METTL16: variants seen among roughly 807,000 people sequenced by gnomAD.
The protein encoded by METTL16 is RNA N(6)-adenosine-methyltransferase METTL16.
METTL16 carries 19 observed loss-of-function variants against 57.9 expected under a neutral mutation model. That is an observed-to-expected ratio of 0.33 (90% CI 0.23 to 0.48). The LOEUF is 0.48. METTL16 is among the 20% of genes least tolerant of loss of function. METTL16 has a pLI of 0.99. For synonymous variants in METTL16, 246 were observed against 255.6 expected (o/e 0.96, Z 0.36); for missense variants, 434 against 691.5 (o/e 0.63, Z 4.18).
At chr17:2,425,782 G>A (rs1014168151) in intron 8 of METTL16, among the ~76,000 whole-genome samples, 1 of 151,924 alleles carries the variant, frequency 6.6e-6, no homozygotes, top group African/African-American at 2.4e-5. Flanking sequence ...CACCTCCTAG[G>A]CTCAAGTGAT....
rs1348587208 is a variant in METTL16 at position 2,467,746 on chromosome 17, C to T, written c.585+15G>A. 6.3e-7 allele frequency: 1 copy of T among 1,595,306 alleles called. No homozygotes were observed. The highest frequency in any genetic ancestry group is 1.7e-5 in the Admixed American group (1 of 59,954). On this transcript the variant is annotated intron_variant, in intron 5 of 9. Transcript: ENST00000263092. ...CAGCCTATATTCAATTATTTTAAAG[C>T]AGAAGACATTTTACCTTGGCTTCCA...
chr17:2,490,970 C>T (rs1157813851), intron 2 of METTL16, among the ~76,000 whole-genome samples: 1 of 152,096 alleles, frequency 6.6e-6, no homozygotes, highest in African/African-American at 2.4e-5. Flanking sequence ...AAGTGAACAC[C>T]AATGAAGAGC....
At chr17:2,447,584 G>A (rs2067013178) in intron 6 of METTL16, among the ~76,000 whole-genome samples, 2 of 109,168 alleles carry the variant, frequency 1.8e-5, no homozygotes, top group Non-Finnish European at 3.5e-5. Context: ...GGTGGGGGGG[G>A]TCAGCCCCCC....
At chr17:2,440,024 A>C (rs966331177) in intron 7 of METTL16, among the ~76,000 whole-genome samples, 3 of 151,222 alleles carry the variant, frequency 2.0e-5, no homozygotes, top group African/African-American at 7.4e-5. Context: ...CTATCTTTAT[A>C]AAAAATAAGG....
Position 2,416,542 on chromosome 17 carries a change from G to C in METTL16, c.*3428C>G, listed in dbSNP as rs1343391584. 6.6e-6 allele frequency: 1 copy of C among 152,338 alleles called. No individual in the cohort carries two copies. Among genetic ancestry groups the C allele is most frequent in the Non-Finnish European group, 1.5e-5 (1 of 68,090 alleles). 9.4% of individuals were successfully genotyped at this position (152,338 alleles called of 1,614,324 possible). ...GCCCTGCCCAGGACACACAGCAGAG[G>C]TCTGGAGTGGGGACAGTGCGGCCAG... On this transcript the variant is annotated 3_prime_UTR_variant, in exon 10 of 10. Coordinates refer to ENST00000263092, the MANE Select transcript of METTL16 (RefSeq NM_024086.4).
At position 2,418,319 on chromosome 17, in the gene METTL16, A is replaced by G. The variant is rs1270634821; in HGVS notation, c.*1651T>C. The G allele has an allele frequency of 6.6e-6, 1 of 152,268 alleles. No individual in the cohort carries two copies. The highest frequency in any genetic ancestry group is 1.9e-4 in the East Asian group (1 of 5,194). 9.4% of individuals were successfully genotyped at this position (152,268 alleles called of 1,614,324 possible). A position where few individuals can be genotyped will look rare whatever the true frequency, so the allele number is the denominator to read the frequency against. On this transcript the variant is annotated 3_prime_UTR_variant, in exon 10 of 10. Coordinates refer to ENST00000263092, the MANE Select transcript of METTL16 (RefSeq NM_024086.4). ...AGAACACTGGTCAGAGGCTGGGAGT[A>G]GTGGCTCACGGCTGTAATCCCAGCA...
chr17:2,456,367 A>C (rs1400924935), intron 6 of METTL16, among the ~76,000 whole-genome samples: 1 of 152,232 alleles, frequency 6.6e-6, no homozygotes, highest in African/African-American at 2.4e-5. Flanking sequence ...ATGGCAGTTC[A>C]GTAAGAAACA....
Position 2,438,160 on chromosome 17 carries a change from C to A in METTL16, c.837G>T (p.Arg279=). The part of the protein sequence containing the change: ...KVTYTEFCQG[R]TMRWALAWSF... ...TCCAAGCTAAGGCCCATCTCATTGT[C>A]CGACCTTGACAGAATTCAGTGTACG... The change falls in exon 8 of 10, where the codon CGG becomes CGT. Residue 279 remains arginine (R), a synonymous_variant. Coordinates refer to ENST00000263092, the MANE Select transcript of METTL16 (RefSeq NM_024086.4). 2.5e-6 allele frequency: 4 copies of A among 1,613,886 alleles called. No homozygotes were observed. Among genetic ancestry groups the A allele is most frequent in the Non-Finnish European group, 3.4e-6 (4 of 1,179,812 alleles).
chr17:2,427,910 T>C (rs2066831274), intron 8 of METTL16, among the ~76,000 whole-genome samples: 1 of 149,398 alleles, frequency 6.7e-6, no homozygotes, highest in African/African-American at 2.5e-5. Context: ...GCCCAAGAGT[T>C]TGAGACCAGC....
chr17:2,438,089 G>C lies in METTL16; in HGVS notation c.888+20C>G. ...ACCATGTGCTGGCAGGTGGTGAAGC[G>C]GAGCAAGGTCTGTACTTACTGGTAC... On this transcript the variant is annotated intron_variant, in intron 8 of 9. Transcript: ENST00000263092. The C allele has an allele frequency of 2.5e-6, 4 of 1,577,430 alleles. No individual in the cohort carries two copies. The highest frequency in any genetic ancestry group is 3.5e-6 in the Non-Finnish European group (4 of 1,146,980).
At chr17:2,452,300 T>C (rs2067077175) in intron 6 of METTL16, among the ~76,000 whole-genome samples, 1 of 152,196 alleles carries the variant, frequency 6.6e-6, no homozygotes, top group Admixed American at 6.6e-5. Context: ...CTAAACTGAA[T>C]ACCACACTGC....
intron 2 of METTL16, among the ~76,000 whole-genome samples, chr17:2,490,405 G>A (rs752574460): frequency 3.9e-5 from 6 of 152,066 alleles, no homozygotes; most frequent in Non-Finnish European, 5.9e-5. Flanking sequence ...GGGAGAAGAC[G>A]ACGAATGATT....
intron 2 of METTL16, among the ~76,000 whole-genome samples, chr17:2,496,285 A>G (rs1389971704): frequency 1.3e-5 from 2 of 151,660 alleles, no homozygotes; most frequent in African/African-American, 2.4e-5. Flanking sequence ...ATTTAAAAAA[A>G]AGTTCCAAAT....
chr17:2,416,808 A>G lies in METTL16; in HGVS notation c.*3162T>C, dbSNP rs1258252437. 1 of 152,282 alleles carries G rather than the reference A, an allele frequency of 6.6e-6. No individual in the cohort carries two copies. Among genetic ancestry groups the G allele is most frequent in the Non-Finnish European group, 1.5e-5 (1 of 68,088 alleles). The allele number at this position is 152,282 out of a possible 1,614,324, so 9.4% of individuals were successfully genotyped here. ...CGGGAGAGTAACACTCAAGGTTATG[A>G]CATATGAGTCAATAACCCATTTCTT... On this transcript the variant is annotated 3_prime_UTR_variant, in exon 10 of 10. Transcript: ENST00000263092.
intron 6 of METTL16, among the ~76,000 whole-genome samples, chr17:2,459,405 C>T (rs926609703): frequency 1.3e-5 from 2 of 152,202 alleles, no homozygotes; most frequent in Non-Finnish European, 2.9e-5. Context: ...CTGTTAACTG[C>T]TGCTGAGCAT....
intron 1 of METTL16, among the ~76,000 whole-genome samples, chr17:2,504,100 G>T (rs1037699821): frequency 6.6e-6 from 1 of 152,106 alleles, no homozygotes; most frequent in Non-Finnish European, 1.5e-5. Flanking sequence ...ACCATGCTAA[G>T]GGAAATAAAC....
intron 6 of METTL16, among the ~76,000 whole-genome samples, chr17:2,443,010 G>T (rs1038847290): frequency 2.0e-4 from 30 of 151,020 alleles, no homozygotes; most frequent in Admixed American, 1.8e-3. Flanking sequence ...TTGTTTTTGA[G>T]ACAGAGTACC....
intron 1 of METTL16, among the ~76,000 whole-genome samples, chr17:2,504,706 C>T (rs1404733745): frequency 3.3e-5 from 5 of 152,100 alleles, no homozygotes; most frequent in African/African-American, 7.2e-5. Flanking sequence ...TAGGTATGTG[C>T]CACCATGCCA....
intron 5 of METTL16, among the ~76,000 whole-genome samples, 183 bp from the exon 6 acceptor site, chr17:2,464,533 C>T (rs2151563605): frequency 6.6e-6 from 1 of 152,292 alleles, no homozygotes; most frequent in African/African-American, 2.4e-5. Context: ...CTTCATGCAA[C>T]TATTTCTTCC....
Sources: allele counts gnomAD v4.1 joint callset (sites outside exome capture counted in the v4.1 genomes callset), GRCh38; gene constraint gnomAD v4.1.1; transcripts MANE v1.5; gene names NCBI Gene and HGNC (gene_info 2026-07-23, HGNC 2026-07-21).